The following KIF26B variants were observed in gnomAD, a reference collection of about 807,000 sequenced individuals.
KIF26B encodes the protein kinesin family member 26B.
Under a neutral mutation model 151.2 loss-of-function variants are expected in KIF26B, and 63 were observed. That is an observed-to-expected ratio of 0.42 (90% CI 0.34 to 0.51). The LOEUF is 0.51. KIF26B is among the 20% of genes least tolerant of loss of function. The pLI is 0.07. For synonymous variants in KIF26B, 1,357 were observed against 1,262.1 expected, an observed-to-expected ratio of 1.08 and a Z score of -1.59; for missense variants, 2,813 against 2,913.6, an observed-to-expected ratio of 0.97 and a Z score of 0.79.
At chr1:245,653,292 G>A (rs1385106256) in intron 10 of KIF26B, among the ~76,000 whole-genome samples, 1 of 152,150 alleles carries the variant, frequency 6.6e-6, no homozygotes, top group Non-Finnish European at 1.5e-5. Context: ...CTTGCTAAAG[G>A]GGTAGAAGTT....
chr1:245,390,944 A>AAAAAACAAAACAAAAC (rs1673681147), intron 3 of KIF26B, among the ~76,000 whole-genome samples: 1 of 121,002 alleles, frequency 8.3e-6, no homozygotes, highest in African/African-American at 4.9e-5. Context: ...AAAAAAAAAA[A>AAAAAACAAAACAAAAC]AAAAAAAACC....
At chr1:245,456,717 A>T (rs1428059269) in intron 4 of KIF26B, among the ~76,000 whole-genome samples, 5 of 152,354 alleles carry the variant, frequency 3.3e-5, no homozygotes, top group African/African-American at 1.2e-4. Context: ...TTACCAAAAT[A>T]GTTTAAATTT....
intron 2 of KIF26B, among the ~76,000 whole-genome samples, chr1:245,341,897 ACCATCTACGC>A (rs1449219654): frequency 6.6e-6 from 1 of 152,182 alleles, no homozygotes; most frequent in African/African-American, 2.4e-5. Flanking sequence ...TTCCCGTGGC[ACCATCTACGC>A]CCATCTCCCT....
chr1:245,511,668 T>C (rs1660840639), intron 4 of KIF26B, among the ~76,000 whole-genome samples: 2 of 152,240 alleles, frequency 1.3e-5, no homozygotes, highest in Non-Finnish European at 2.9e-5. Context: ...TCAACTTTTC[T>C]TGAGGTCGGA....
chr1:245,313,126 T>C (rs1319217744), intron 2 of KIF26B, among the ~76,000 whole-genome samples: 1 of 152,134 alleles, frequency 6.6e-6, no homozygotes, highest in Non-Finnish European at 1.5e-5. Context: ...GACACTGCAC[T>C]TCAGCCTCGG....
At position 245,563,745 on chromosome 1, in the gene KIF26B, T is replaced by TTA. The variant is rs2042978433; in HGVS notation, c.1350+22795_1350+22796insTA. 9.1e-6 allele frequency among the ~76,000 whole-genome samples: 1 copy of TTA among 110,230 alleles called. No homozygotes were observed. Among genetic ancestry groups the TTA allele is most frequent in the Non-Finnish European group, 1.8e-5 (1 of 56,608 alleles). The allele number at this position is 110,230 out of a possible 152,430, so 72.3% of individuals were successfully genotyped here. ...ACACCTTTTCTATGTTTAGGTATGT[T>TTA]GTTTAGATTTAGAATATGTAACGCA... On this transcript the variant is annotated intron_variant, in intron 5 of 14. Transcript: ENST00000407071. This position sits in a 1 kb window ranked among gnomAD's most constrained non-coding sequence, Gnocchi z 4.6.
intron 4 of KIF26B, among the ~76,000 whole-genome samples, chr1:245,507,871 G>C (rs1660755845): frequency 6.6e-6 from 1 of 152,148 alleles, no homozygotes; most frequent in Non-Finnish European, 1.5e-5. Context: ...GCTTTCTCCT[G>C]TGTTTCAAGA....
intron 2 of KIF26B, among the ~76,000 whole-genome samples, chr1:245,213,030 G>A (rs1386387388): frequency 6.6e-6 from 1 of 152,204 alleles, no homozygotes; most frequent in African/African-American, 2.4e-5. Flanking sequence ...CTTTAAATCA[G>A]TGTGGCTTTC....
At chr1:245,465,578 G>A (rs1031943114) in intron 4 of KIF26B, among the ~76,000 whole-genome samples, 1 of 152,156 alleles carries the variant, frequency 6.6e-6, no homozygotes, top group Non-Finnish European at 1.5e-5. Flanking sequence ...ATTTACACAG[G>A]TGCCTTTAGC....
chr1:245,273,594 C>G (rs1055004372), intron 2 of KIF26B, among the ~76,000 whole-genome samples: 2 of 152,110 alleles, frequency 1.3e-5, no homozygotes, highest in South Asian at 2.1e-4. Flanking sequence ...GGTAAATTCA[C>G]TCTTTTATCA....
At chr1:245,231,550 C>A (rs934134165) in intron 2 of KIF26B, among the ~76,000 whole-genome samples, 1 of 152,026 alleles carries the variant, frequency 6.6e-6, no homozygotes, top group African/African-American at 2.4e-5. Flanking sequence ...TCCAAGAATT[C>A]TTTATGGAAA....
rs79591994 is a variant in KIF26B at position 245,454,612 on chromosome 1, A to C, written c.1166+34867A>C. Among the ~76,000 whole-genome samples, 3 of 152,282 alleles carry C rather than the reference A, an allele frequency of 2.0e-5. No homozygotes were observed. The East Asian group carries it at 5.8e-4, about 29-fold the overall frequency. On this transcript the variant is annotated intron_variant, in intron 4 of 14. Transcript: ENST00000407071. ...TCCATTGGGAGCCTTCATACAATGC[A>C]TTTGAAAGCACTTTGTCAGCAGACT...
intron 4 of KIF26B, among the ~76,000 whole-genome samples, chr1:245,535,271 A>G (rs1661464546): frequency 1.3e-5 from 2 of 152,240 alleles, no homozygotes; most frequent in Admixed American, 1.3e-4. Flanking sequence ...AGCTGCTTAT[A>G]ATGATGTCAA....
chr1:245,528,403 G>A (rs1661288730), intron 4 of KIF26B, among the ~76,000 whole-genome samples: 1 of 152,186 alleles, frequency 6.6e-6, no homozygotes, highest in South Asian at 2.1e-4. Flanking sequence ...CCTGCCCGCT[G>A]TGCTTTCTCA....
Position 245,687,816 on chromosome 1 carries a change from G to A in KIF26B, c.4833G>A (p.Arg1611=). 2.5e-6 allele frequency: 4 copies of A among 1,596,070 alleles called. No homozygotes were observed. The highest frequency in any genetic ancestry group is 3.4e-6 in the Non-Finnish European group (4 of 1,172,050). ...AGTCCAGCCTGGACCAGAAGAACCGGGCCAGCCCTCAGCACAGTGCCAGCG... is the reference window on the plus strand; with the variant it reads ...AGTCCAGCCTGGACCAGAAGAACCGAGCCAGCCCTCAGCACAGTGCCAGCG... ...VRKSSLDQKN[R]ASPQHSASGS... is the part of the protein sequence containing the mutation. Residue 1611 remains arginine, a synonymous_variant, in exon 12 of 15, where the codon CGG becomes CGA. Coordinates refer to ENST00000407071, the MANE Select transcript of KIF26B (RefSeq NM_018012.4). This position sits in a 1 kb window ranked among gnomAD's most constrained non-coding sequence, Gnocchi z 4.9.
rs10924308 is a variant in KIF26B, at chr1:245,694,829, C to A, written c.5825-3277C>A. ...GCCATTTCATGCGGTAAATCCATGTCGGCAGGTATCAGCCCAAGTGTTTTG... is the reference window on the plus strand; with the variant it reads ...GCCATTTCATGCGGTAAATCCATGTAGGCAGGTATCAGCCCAAGTGTTTTG... On this transcript the variant is annotated intron_variant, in intron 12 of 14. Transcript: ENST00000407071. 5.9e-5 allele frequency among the ~76,000 whole-genome samples: 9 copies of A among 151,682 alleles called. No homozygotes were observed. In the South Asian group the frequency reaches 1.7e-3, roughly 28 times the overall value.
intron 5 of KIF26B, among the ~76,000 whole-genome samples, chr1:245,595,752 G>A (rs2043331170): frequency 6.6e-6 from 1 of 152,082 alleles, no homozygotes; most frequent in Non-Finnish European, 1.5e-5. Flanking sequence ...GCTCTTCTTT[G>A]TACCTCTGGT....
chr1:245,549,333 A>G (rs1661825569), intron 5 of KIF26B, among the ~76,000 whole-genome samples: 1 of 152,232 alleles, frequency 6.6e-6, no homozygotes, highest in Non-Finnish European at 1.5e-5. Context: ...CCACTGTCTC[A>G]ATTAACCAAA....
chr1:245,344,252 TC>T (rs1404920295), intron 2 of KIF26B, among the ~76,000 whole-genome samples: 3 of 151,992 alleles, frequency 2.0e-5, no homozygotes, highest in Non-Finnish European at 2.9e-5. Context: ...CTCTCTCCTT[TC>T]TTTATTTTTC....
Sources: gnomAD v4.1 joint callset for allele counts (sites outside exome capture counted in the v4.1 genomes callset) on GRCh38, gnomAD v4.1.1 for gene constraint, Gnocchi (gnomAD v3.1) non-coding constraint, MANE v1.5 for transcripts, NCBI Gene and HGNC (gene_info 2026-07-23, HGNC 2026-07-21) for gene names.